The following CGAS variants were observed in gnomAD, a reference collection of about 807,000 sequenced individuals.
CGAS encodes 2'3'-cGAMP synthase.
A neutral mutation model predicts 34.0 loss-of-function variants in CGAS; 31 were observed. The ratio of observed to expected loss-of-function variants is 0.91; its 90% confidence interval spans 0.69 to 1.23. The LOEUF is 1.23. Among genes scored for constraint, CGAS ranks in the 50% most tolerant of loss-of-function variants. CGAS has a pLI of 0.00. For synonymous variants in CGAS, 266 were observed against 260.0 expected, an observed-to-expected ratio of 1.02 and a Z score of -0.22; for missense variants, 597 against 657.6, an observed-to-expected ratio of 0.91 and a Z score of 1.01.
chr6:73,431,327 C>T (rs190649010), intron 3 of CGAS, among the ~76,000 whole-genome samples: 4 of 151,968 alleles, frequency 2.6e-5, no homozygotes, highest in East Asian at 3.9e-4. Context: ...AACATTTAGC[C>T]GGGCATGGTG....
intron 3 of CGAS, among the ~76,000 whole-genome samples, chr6:73,430,776 T>C (rs1770181689): frequency 6.6e-6 from 1 of 151,852 alleles, no homozygotes; most frequent in African/African-American, 2.4e-5. Flanking sequence ...AAAATGAAAT[T>C]TTGAGAAAGA....
chr6:73,434,189 G>C (rs545156730), intron 3 of CGAS, among the ~76,000 whole-genome samples: 1 of 152,292 alleles, frequency 6.6e-6, no homozygotes, highest in African/African-American at 2.4e-5. Flanking sequence ...CTGTATCTGA[G>C]GGTTTCACAT....
chr6:73,436,849 T>C (rs1770288816), intron 3 of CGAS, among the ~76,000 whole-genome samples: 1 of 152,094 alleles, frequency 6.6e-6, no homozygotes, highest in Non-Finnish European at 1.5e-5. Flanking sequence ...TATATTTACT[T>C]ACACTTTTAA....
At position 73,451,468 on chromosome 6, in the gene CGAS, T is replaced by C. The variant is rs1770563428; in HGVS notation, c.657+57A>G. On this transcript the variant is annotated intron_variant, in intron 1 of 4. Coordinates refer to ENST00000370315, the MANE Select transcript of CGAS (RefSeq NM_138441.3). ...GGCGCGACCCGGGGAAGGTAGGGAC[T>C]GCGGATTGCGGAAGGCCGAGCAGCG... The C allele has an allele frequency of 7.3e-6, 11 of 1,497,628 alleles. No individual in the cohort carries two copies. The South Asian group carries it at 1.4e-4, about 19-fold the overall frequency. The allele number at this position is 1,497,628 out of a possible 1,614,324, so 92.8% of individuals were successfully genotyped here.
chr6:73,446,677 G>C (rs1390458237), intron 1 of CGAS, among the ~76,000 whole-genome samples: 3 of 14,142 alleles, frequency 2.1e-4, no homozygotes. Context: ...GCAGTGAGCC[G>C]AGATTGCGCC....
chr6:73,433,539 A>G (rs1770229255), intron 3 of CGAS, among the ~76,000 whole-genome samples: 1 of 150,654 alleles, frequency 6.6e-6, no homozygotes, highest in Non-Finnish European at 1.5e-5. Flanking sequence ...ACCAGGCTGG[A>G]GTGCAATGGC....
At chr6:73,429,632 C>T (rs559116840) in intron 3 of CGAS, among the ~76,000 whole-genome samples, 19 of 151,618 alleles carry the variant, frequency 1.3e-4, no homozygotes, top group Admixed American at 6.0e-4. Flanking sequence ...CAAGACCATC[C>T]TGGCTAACAC....
At chr6:73,441,389 C>G (rs1770377988) in intron 2 of CGAS, among the ~76,000 whole-genome samples, 1 of 152,102 alleles carries the variant, frequency 6.6e-6, no homozygotes, top group African/African-American at 2.4e-5. Flanking sequence ...CACGGCAGCA[C>G]AGAGGTAGTG....
intron 3 of CGAS, among the ~76,000 whole-genome samples, 165 bp from the exon 4 acceptor site, chr6:73,428,976 C>T (rs1034184921): frequency 4.6e-5 from 7 of 151,872 alleles, no homozygotes; most frequent in South Asian, 4.2e-4. Context: ...CACCTGAGGT[C>T]GGGAGTTCGA....
In CGAS at chr6:73,433,519, T is replaced by G. The variant is rs372632251; in HGVS notation, c.1115-4708A>C. Among the ~76,000 whole-genome samples, 33 of 151,168 alleles carry G rather than the reference T, an allele frequency of 2.2e-4. No individual in the cohort carries two copies. The South Asian group carries it at 6.5e-3, about 30-fold the overall frequency. On this transcript the variant is annotated intron_variant, in intron 3 of 4. Coordinates refer to ENST00000370315, the MANE Select transcript of CGAS (RefSeq NM_138441.3). ...TTTAATTTTTTTTTGAGACGGAGTC[T>G]CTCTCTGTCACCAGGCTGGAGTGCA...
At position 73,451,953 on chromosome 6, in the gene CGAS, T is replaced by G. The variant is rs1419025132; in HGVS notation, c.229A>C (p.Thr77Pro). 6.7e-7 allele frequency: 1 copy of G among 1,491,528 alleles called. No individual in the cohort carries two copies. Among genetic ancestry groups the G allele is most frequent in the East Asian group, 2.5e-5 (1 of 39,934 alleles). 92.4% of individuals were successfully genotyped at this position (1,491,528 alleles called of 1,614,324 possible). Residue 77 changes from threonine to proline, a missense_variant, in exon 1 of 5, where the codon ACT (threonine) becomes CCT (proline). By Grantham distance (38) the Thr-to-Pro change is conservative (BLOSUM62 -1). Around this residue, in one of 3 missense-constraint regions of CGAS, gnomAD observed 321 missense variants for 314.3 expected, o/e 1.02. Transcript: ENST00000370315. Reference protein sequence around the residue: ...DTQERPPVRATGARAKKAPQR... With the variant: ...DTQERPPVRAPGARAKKAPQR... ...GGGGCCTTTTTGGCGCGGGCCCCAG[T>G]TGCGCGGACGGGCGGCCTCTCCTGG...
chr6:73,447,939 T>C (rs1411132791), intron 1 of CGAS, among the ~76,000 whole-genome samples: 1 of 152,240 alleles, frequency 6.6e-6, no homozygotes, highest in Admixed American at 6.5e-5. Flanking sequence ...CATCACTCTT[T>C]TTCCCATCTT....
chr6:73,452,146 A>T lies in CGAS; in HGVS notation c.36T>A (p.Ala12=), dbSNP rs769428394. ...QPWHGKAMQR[A]SEAGATAPKA... ...TGGGGGCAGTGGCTCCGGCCTCGGA[A>T]GCTCTCTGCATGGCCTTTCCGTGCC... The change falls in exon 1 of 5, where the codon GCT becomes GCA. Residue 12 remains alanine, a synonymous_variant. Transcript: ENST00000370315. The T allele has an allele frequency of 1.2e-5, 20 of 1,608,458 alleles. No homozygotes were observed. The Admixed American group carries it at 2.9e-4, about 23-fold the overall frequency.
rs1289928785 is a variant in CGAS, at chr6:73,451,820, C to T, written c.362G>A (p.Cys121Tyr). 1 of 1,556,058 alleles carries T rather than the reference C, an allele frequency of 6.4e-7. No individual in the cohort carries two copies. The highest frequency in any genetic ancestry group is 8.7e-7 in the Non-Finnish European group (1 of 1,151,054). ...REPALSRAGS[C>Y]RQRGARCSTK... is the part of the protein sequence containing the mutation. Reference sequence around the variant, plus strand: ...GGAGCAGCGCGCGCCCCTCTGGCGGCAAGAACCAGCCCTGGAAAGAGCCGG... The same window carrying T: ...GGAGCAGCGCGCGCCCCTCTGGCGGTAAGAACCAGCCCTGGAAAGAGCCGG... The change falls in exon 1 of 5, where the codon TGC becomes TAC. Residue 121 changes from cysteine to tyrosine, a missense_variant. Cys to Tyr is a radical substitution (Grantham distance 194, BLOSUM62 -2). Coordinates refer to ENST00000370315, the MANE Select transcript of CGAS (RefSeq NM_138441.3).
chr6:73,434,365 C>T (rs1003341210), intron 3 of CGAS, among the ~76,000 whole-genome samples: 4 of 152,252 alleles, frequency 2.6e-5, no homozygotes, highest in African/African-American at 9.6e-5. Flanking sequence ...AAAGGTGGCA[C>T]GTACCGTTGA....
At chr6:73,429,906 A>G (rs187479737) in intron 3 of CGAS, among the ~76,000 whole-genome samples, 4 of 152,242 alleles carry the variant, frequency 2.6e-5, no homozygotes, top group Non-Finnish European at 4.4e-5. Flanking sequence ...GTGGTTTTAT[A>G]CTAGCAAAGT....
chr6:73,440,183 T>C (rs1351532923), intron 3 of CGAS, 26 bp downstream of exon 3: 4 of 1,581,892 alleles, frequency 2.5e-6, no homozygotes, highest in East Asian at 2.3e-5. Context: ...TTTACTTCTT[T>C]AAGTTAACTT....
At position 73,451,781 on chromosome 6, in the gene CGAS, G is replaced by T; in HGVS notation, c.401C>A (p.Pro134His). ...GGGCACGTCCCAGGGCCCGGGCGGA[G>T]GTCTTGGCTTCGTGGAGCAGCGCGC... Reference protein sequence around the residue: ...RGARCSTKPRPPPGPWDVPSP... With the variant: ...RGARCSTKPRHPPGPWDVPSP... The change falls in exon 1 of 5, where the codon CCT becomes CAT. Residue 134 changes from proline (P) to histidine (H), a missense_variant. By Grantham distance (77) the Pro-to-His change is moderately conservative. Transcript: ENST00000370315. 1 of 1,587,104 alleles carries T rather than the reference G, an allele frequency of 6.3e-7. No individual in the cohort carries two copies. Among genetic ancestry groups the T allele is most frequent in the South Asian group, 1.1e-5 (1 of 88,390 alleles).
chr6:73,430,125 A>G (rs191885315), intron 3 of CGAS, among the ~76,000 whole-genome samples: 4 of 152,202 alleles, frequency 2.6e-5, no homozygotes, highest in East Asian at 3.9e-4. Flanking sequence ...AGATTTTAGA[A>G]AACTATAGCA....
Sources: allele counts gnomAD v4.1 joint callset (sites outside exome capture counted in the v4.1 genomes callset), GRCh38; gene constraint gnomAD v4.1.1; regional missense constraint gnomAD v4.1.1; transcripts MANE v1.5; gene names NCBI Gene and HGNC (gene_info 2026-07-23, HGNC 2026-07-21).